VWC2L: variants seen among roughly 807,000 people sequenced by gnomAD.
VWC2L encodes the protein von Willebrand factor C domain containing 2 like.
In VWC2L, 10 loss-of-function variants were observed where a neutral mutation model predicts 21.6. That is an observed-to-expected ratio of 0.46 (90% CI 0.29 to 0.78). VWC2L has a LOEUF of 0.78. Among genes scored for constraint, VWC2L ranks in the 30% least tolerant of loss-of-function variants. VWC2L has a pLI of 0.10. For synonymous variants in VWC2L, 96 were observed against 94.3 expected, an observed-to-expected ratio of 1.02 and a Z score of -0.10; for missense variants, 209 against 277.1, an observed-to-expected ratio of 0.75 and a Z score of 1.74.
chr2:214,538,859 T>C (rs1045759265), intron 3 of VWC2L, among the ~76,000 whole-genome samples: 4 of 152,102 alleles, frequency 2.6e-5, no homozygotes, highest in African/African-American at 9.7e-5. Context: ...GGGTCACTTC[T>C]TTCAGAAATC....
intron 3 of VWC2L, among the ~76,000 whole-genome samples, chr2:214,457,010 CA>C (rs1329293483): frequency 6.6e-6 from 1 of 152,032 alleles, no homozygotes; most frequent in Non-Finnish European, 1.5e-5. Flanking sequence ...GTGATGCTTT[CA>C]GCTTTGTTCT....
At chr2:214,425,872 A>G (rs774431853) in intron 2 of VWC2L, among the ~76,000 whole-genome samples, 1 of 152,136 alleles carries the variant, frequency 6.6e-6, no homozygotes, top group Non-Finnish European at 1.5e-5. Flanking sequence ...CTAGGAACTC[A>G]GATGAAGAAA....
At chr2:214,499,010 T>TTTTTTTTTTTTC in intron 3 of VWC2L, among the ~76,000 whole-genome samples, 1 of 7,056 alleles carries the variant, frequency 1.4e-4, no homozygotes, top group African/African-American at 6.7e-4. Flanking sequence ...CGTACCATTC[T>TTTTTTTTTTTTC]TTTTTTTTTT....
rs1231641165 is a variant in VWC2L, at chr2:214,436,908, A to G, written c.520+150A>G. ...CGGATGTATATTTTTATCCCATCTTAAAGTGAAAATAAACCTGCAGTGGGT... is the reference window on the plus strand; with the variant it reads ...CGGATGTATATTTTTATCCCATCTTGAAGTGAAAATAAACCTGCAGTGGGT... On this transcript the variant is annotated intron_variant, in intron 3 of 3. Coordinates refer to ENST00000312504, the MANE Select transcript of VWC2L (RefSeq NM_001080500.4). 3.0e-6 allele frequency: 3 copies of G among 988,878 alleles called. No homozygotes were observed. The East Asian group carries it at 8.0e-5, about 26-fold the overall frequency. The allele number at this position is 988,878 out of a possible 1,614,324, so 61.3% of individuals were successfully genotyped here.
intron 3 of VWC2L, among the ~76,000 whole-genome samples, chr2:214,571,874 C>T (rs780590695): frequency 5.3e-5 from 8 of 152,086 alleles, no homozygotes. Flanking sequence ...GCAGCCTCGA[C>T]CTCCTGGGCT....
Position 214,461,769 on chromosome 2 carries a change from G to C in VWC2L, c.520+25011G>C, listed in dbSNP as rs543582584. On this transcript the variant is annotated intron_variant, in intron 3 of 3. Coordinates refer to ENST00000312504, the MANE Select transcript of VWC2L (RefSeq NM_001080500.4). ...AATCCCCAGGTTCCCTAACAGCATG[G>C]TTAGGAGGTAATGGCAGTGGCGGCA... is the stretch of plus-strand genomic sequence containing the variant. 5.9e-5 allele frequency among the ~76,000 whole-genome samples: 9 copies of C among 152,258 alleles called. No homozygotes were observed. The East Asian group carries it at 1.5e-3, about 26-fold the overall frequency.
intron 3 of VWC2L, among the ~76,000 whole-genome samples, chr2:214,529,164 G>A (rs1689393142): frequency 6.6e-6 from 1 of 152,156 alleles, no homozygotes; most frequent in Non-Finnish European, 1.5e-5. Context: ...CTTAGCACAG[G>A]TCCTTTCCCA....
At chr2:214,564,480 T>A (rs574055917) in intron 3 of VWC2L, among the ~76,000 whole-genome samples, 25 of 149,278 alleles carry the variant, frequency 1.7e-4, no homozygotes, top group African/African-American at 5.9e-4. Context: ...TGTTTTTTTT[T>A]ATATTTCCAG....
chr2:214,463,499 T>C (rs1168410301), intron 3 of VWC2L, among the ~76,000 whole-genome samples: 2 of 152,156 alleles, frequency 1.3e-5, no homozygotes, highest in African/African-American at 4.8e-5. Flanking sequence ...TAGTTGGGTC[T>C]TTCTTTTTAA....
At chr2:214,557,565 T>C (rs1192469980) in intron 3 of VWC2L, among the ~76,000 whole-genome samples, 1 of 152,204 alleles carries the variant, frequency 6.6e-6, no homozygotes, top group Non-Finnish European at 1.5e-5. Context: ...CTCTTGGGAC[T>C]GTCAACCCTA....
chr2:214,418,398 A>T (rs1287065150), intron 2 of VWC2L, among the ~76,000 whole-genome samples: 2 of 152,208 alleles, frequency 1.3e-5, no homozygotes, highest in African/African-American at 4.8e-5. Context: ...AAGAGGAAAA[A>T]GTAGGACTCC....
intron 3 of VWC2L, among the ~76,000 whole-genome samples, chr2:214,469,184 G>A (rs908647376): frequency 2.6e-5 from 4 of 152,128 alleles, no homozygotes; most frequent in African/African-American, 9.7e-5. Context: ...CATACATATT[G>A]TGCCAATAAC....
At chr2:214,534,982 T>C (rs1379321295) in intron 3 of VWC2L, among the ~76,000 whole-genome samples, 1 of 152,090 alleles carries the variant, frequency 6.6e-6, no homozygotes, top group Non-Finnish European at 1.5e-5. Context: ...GCCTGACCCA[T>C]TCAGTTTCTT....
At chr2:214,506,348 A>G (rs1248072443) in intron 3 of VWC2L, among the ~76,000 whole-genome samples, 4 of 152,200 alleles carry the variant, frequency 2.6e-5, no homozygotes, top group Non-Finnish European at 5.9e-5. Context: ...CACATGAACA[A>G]TGCTAATGCC....
intron 3 of VWC2L, among the ~76,000 whole-genome samples, chr2:214,499,886 G>A (rs1688867606): frequency 6.6e-6 from 1 of 152,164 alleles, no homozygotes; most frequent in Non-Finnish European, 1.5e-5. Context: ...TAACGTACAA[G>A]CCAATCATAA....
intron 3 of VWC2L, among the ~76,000 whole-genome samples, chr2:214,522,374 CAAA>C (rs5838440): frequency 9.7e-6 from 1 of 102,942 alleles, no homozygotes; most frequent in African/African-American, 4.0e-5. Flanking sequence ...GACCCCGTCT[CAAA>C]AAAAAAAAAA....
intron 3 of VWC2L, among the ~76,000 whole-genome samples, chr2:214,511,896 ATACTT>A (rs1185328748): frequency 7.6e-6 from 1 of 132,088 alleles, no homozygotes; most frequent in African/African-American, 2.8e-5. Context: ...TTATATAGAT[ATACTT>A]TACTTTATAT....
At chr2:214,514,989 T>C (rs1329816676) in intron 3 of VWC2L, among the ~76,000 whole-genome samples, 4 of 152,202 alleles carry the variant, frequency 2.6e-5, no homozygotes, top group Non-Finnish European at 5.9e-5. Flanking sequence ...TGTGGCAAAT[T>C]TATTTTTTCA....
chr2:214,522,166 G>C (rs1689251196), intron 3 of VWC2L, among the ~76,000 whole-genome samples: 1 of 152,020 alleles, frequency 6.6e-6, no homozygotes, highest in South Asian at 2.1e-4. Flanking sequence ...ACGAGGTCAG[G>C]AGATCAAGAC....
Sources: gnomAD v4.1 joint callset for allele counts (sites outside exome capture counted in the v4.1 genomes callset) on GRCh38, gnomAD v4.1.1 for gene constraint, MANE v1.5 for transcripts, NCBI Gene and HGNC (gene_info 2026-07-23, HGNC 2026-07-21) for gene names.